NEDD8: variants seen among roughly 807,000 people sequenced by gnomAD.
NEDD8 encodes NEDD8 ubiquitin like modifier.
Under a neutral mutation model 13.8 loss-of-function variants are expected in NEDD8, and 1 was observed. The ratio of observed to expected loss-of-function variants is 0.07; its 90% CI spans 0.03 to 0.34. The LOEUF (loss-of-function observed/expected upper bound fraction) is 0.34. Ranked by LOEUF, NEDD8 falls within the 10% of genes least tolerant of loss-of-function variation. The pLI, the probability that NEDD8 is intolerant of heterozygous loss-of-function variation, is 0.99. For missense variants in NEDD8, 10 were observed against 95.2 expected, an observed-to-expected ratio of 0.10 and a Z score of 3.73; for synonymous variants, 31 against 33.2, an observed-to-expected ratio of 0.93 and a Z score of 0.23.
intron 1 of NEDD8, among the ~76,000 whole-genome samples, chr14:24,225,171 C>CAAAAAAAAA (rs71281817): frequency 7.3e-5 from 9 of 123,732 alleles, no homozygotes; most frequent in African/African-American, 9.1e-5. Context: ...GACTCTGTCT[C>CAAAAAAAAA]AAAAAAAAAA....
chr14:24,223,123 T>A (rs1274048562), intron 1 of NEDD8, among the ~76,000 whole-genome samples: 4 of 146,370 alleles, frequency 2.7e-5, no homozygotes, highest in African/African-American at 1.0e-4. Flanking sequence ...GATGGTAGGC[T>A]GGGCATGGTA....
rs559257553 is a variant in NEDD8 at position 24,216,890 on chromosome 14, C to T, written c.*237G>A. The T allele has an allele frequency of 1.7e-5, 8 of 466,738 alleles. No homozygotes were observed. The highest frequency in any genetic ancestry group is 1.6e-4 in the African/African-American group (8 of 50,552). The allele number at this position is 466,738 out of a possible 1,614,324, so 28.9% of individuals were successfully genotyped here. On this transcript the variant is annotated 3_prime_UTR_variant, in exon 4 of 4. Coordinates refer to ENST00000250495, the MANE Select transcript of NEDD8 (RefSeq NM_006156.3). ...GGCCAGGAAATATTTTATTGACAAC[C>T]AGGGACACAGTCATAAGAGAGGGAA...
At chr14:24,227,143 G>A (rs2039902802) in intron 1 of NEDD8, 1 of 152,164 alleles carries the variant, frequency 6.6e-6, no homozygotes, top group Non-Finnish European at 1.5e-5. Flanking sequence ...TCTTGAGGGG[G>A]TAGGAATACA....
intron 1 of NEDD8, among the ~76,000 whole-genome samples, chr14:24,219,198 A>C (rs1340269148): frequency 1.3e-5 from 2 of 152,082 alleles, no homozygotes; most frequent in African/African-American, 4.8e-5. Context: ...ATGGTGGCTC[A>C]CACCTGCAAT....
chr14:24,230,838 G>C (rs2039989336), intron 1 of NEDD8, among the ~76,000 whole-genome samples: 1 of 151,966 alleles, frequency 6.6e-6, no homozygotes, highest in Non-Finnish European at 1.5e-5. Context: ...GGCTGGTCTT[G>C]AACTCCTCAC....
chr14:24,219,838 T>C (rs1041642548), intron 1 of NEDD8, among the ~76,000 whole-genome samples: 4 of 152,134 alleles, frequency 2.6e-5, no homozygotes, highest in Admixed American at 6.6e-5. Flanking sequence ...CAAGACCCCT[T>C]AAATGTAAGA....
At chr14:24,220,252 AT>A (rs982725168) in intron 1 of NEDD8, among the ~76,000 whole-genome samples, 1 of 152,216 alleles carries the variant, frequency 6.6e-6, no homozygotes, top group Non-Finnish European at 1.5e-5. Flanking sequence ...GTCAATGAAT[AT>A]TTTTGAAGGG....
At chr14:24,230,548 A>AAC (rs1263723144) in intron 1 of NEDD8, among the ~76,000 whole-genome samples, 1 of 149,510 alleles carries the variant, frequency 6.7e-6, no homozygotes, top group Non-Finnish European at 1.5e-5. Context: ...AAAAAAAAAA[A>AAC]AAAAAATCAT....
rs1441185063 is a variant in NEDD8, at chr14:24,232,308, TC to T, written c.-42del. Reference sequence around the variant, plus strand: ...GGGCTGCACACGGATAAATTGCTGCTCCTACCGCTCCGGTCGCCGCTGCCGC... The same window carrying T: ...GGGCTGCACACGGATAAATTGCTGCTCTACCGCTCCGGTCGCCGCTGCCGC... On this transcript the variant is annotated 5_prime_UTR_variant, in exon 1 of 4. Transcript: ENST00000250495. 1.3e-6 allele frequency: 2 copies of T among 1,595,334 alleles called. No individual in the cohort carries two copies. The highest frequency in any genetic ancestry group is 1.7e-6 in the Non-Finnish European group (2 of 1,172,186).
chr14:24,222,092 G>A (rs1277717485), intron 1 of NEDD8, among the ~76,000 whole-genome samples: 1 of 152,184 alleles, frequency 6.6e-6, no homozygotes, highest in Non-Finnish European at 1.5e-5. Flanking sequence ...GCAATATGGT[G>A]TCCCAGCAAC....
At chr14:24,230,778 C>T (rs1367834510) in intron 1 of NEDD8, among the ~76,000 whole-genome samples, 5 of 151,800 alleles carry the variant, frequency 3.3e-5, no homozygotes, top group African/African-American at 9.7e-5. Context: ...CCACCACGCC[C>T]GGCTAGTTTT....
chr14:24,221,452 G>A (rs1485181176), intron 1 of NEDD8, among the ~76,000 whole-genome samples: 1 of 151,776 alleles, frequency 6.6e-6, no homozygotes, highest in Non-Finnish European at 1.5e-5. Context: ...ACTACATTTT[G>A]TATTTTTAGT....
chr14:24,226,750 G>A (rs2039897543), intron 1 of NEDD8: 1 of 152,170 alleles, frequency 6.6e-6, no homozygotes, highest in Non-Finnish European at 1.5e-5. Context: ...TACACTGCAG[G>A]TGGGAATATA....
At chr14:24,227,804 G>C (rs937863113) in intron 1 of NEDD8, 1 of 152,190 alleles carries the variant, frequency 6.6e-6, no homozygotes, top group Admixed American at 6.5e-5. Context: ...AGTTGAAAAT[G>C]AATCATTCGG....
chr14:24,219,654 A>G (rs1457224246), intron 1 of NEDD8, among the ~76,000 whole-genome samples: 1 of 152,174 alleles, frequency 6.6e-6, no homozygotes, highest in Non-Finnish European at 1.5e-5. Flanking sequence ...TATACTGATT[A>G]TGCAGTCATA....
rs781502272 is a variant in NEDD8 at position 24,218,213 on chromosome 14, C to T, written c.69G>A (p.Val23=). ...IEIDIEPTDK[V]ERIKERVEEK... is the part of the protein sequence containing the mutation. ...CCTCCACACGCTCCTTGATTCGCTC[C>T]ACCTTTAGAGAGACAAGTAGTCAGG... is the stretch of plus-strand genomic sequence containing the variant. Residue 23 remains valine, a splice_region_variant and synonymous_variant, in exon 3 of 4, where the codon GTG becomes GTA. Coordinates refer to ENST00000250495, the MANE Select transcript of NEDD8 (RefSeq NM_006156.3). 6.2e-7 allele frequency: 1 copy of T among 1,614,180 alleles called. No homozygotes were observed. Among genetic ancestry groups the T allele is most frequent in the Admixed American group, 1.7e-5 (1 of 60,026 alleles).
chr14:24,231,416 T>C (rs1405394128), intron 1 of NEDD8, among the ~76,000 whole-genome samples: 1 of 143,784 alleles, frequency 7.0e-6, no homozygotes, highest in South Asian at 2.1e-4. Flanking sequence ...GAAATAACGA[T>C]AGATTTACTT....
At chr14:24,218,692 C>T in intron 1 of NEDD8, 1 of 556,614 alleles carries the variant, frequency 1.8e-6, no homozygotes, top group Non-Finnish European at 3.2e-6. Flanking sequence ...AACATCAGTC[C>T]CCCAAAATCA....
intron 1 of NEDD8, among the ~76,000 whole-genome samples, chr14:24,219,301 A>AAACAACAACAACAACAACAAC (rs147656745): frequency 6.7e-6 from 1 of 148,692 alleles, no homozygotes; most frequent in Non-Finnish European, 1.5e-5. Flanking sequence ...GTCTCAACCA[A>AAACAACAACAACAACAACAAC]AACAACAACA....
Sources: allele counts gnomAD v4.1 joint callset (sites outside exome capture counted in the v4.1 genomes callset), GRCh38; gene constraint gnomAD v4.1.1; transcripts MANE v1.5; gene names NCBI Gene and HGNC (gene_info 2026-07-23, HGNC 2026-07-21).